The following TACC2 variants were observed in gnomAD, a reference collection of about 807,000 sequenced individuals.
TACC2 encodes transforming acidic coiled-coil containing protein 2, also known as transforming acidic coiled-coil-containing protein 2.
TACC2 carries 137 observed loss-of-function variants against 227.3 expected under a neutral mutation model. That is an observed-to-expected ratio of 0.60 (90% confidence interval 0.52 to 0.69). The LOEUF (loss-of-function observed/expected upper bound fraction) is 0.69, where lower values mean the gene tolerates loss of function less well. Ranked by LOEUF, TACC2 falls within the 30% of genes least tolerant of loss-of-function variation. The probability of loss-of-function intolerance (pLI) is 0.00; values close to 1 mark genes in which losing one functional copy is unlikely to be tolerated. For synonymous variants in TACC2, 1,523 were observed against 1,487.5 expected (o/e 1.02, Z -0.55); for missense variants, 3,470 against 3,694.4 (o/e 0.94, Z 1.57).
At chr10:122,116,468 C>T (rs1002178957) in intron 5 of TACC2, among the ~76,000 whole-genome samples, 1 of 152,124 alleles carries the variant, frequency 6.6e-6, no homozygotes, top group African/African-American at 2.4e-5. Flanking sequence ...GAGTTCTTGC[C>T]CTACCCCTTA....
chr10:122,017,207 G>A (rs1218856189), intron 1 of TACC2, among the ~76,000 whole-genome samples: 1 of 152,148 alleles, frequency 6.6e-6, no homozygotes, highest in Non-Finnish European at 1.5e-5. Flanking sequence ...CATTCGTGTG[G>A]GCCGCAGAGT....
intron 7 of TACC2, among the ~76,000 whole-genome samples, chr10:122,172,876 CTG>C (rs2093544361): frequency 6.6e-6 from 1 of 152,048 alleles, no homozygotes; most frequent in Admixed American, 6.5e-5. Context: ...GCATTCTGGC[CTG>C]TGTGTGAGAG....
intron 7 of TACC2, chr10:122,163,351 C>G (rs10887095): frequency 0.33 from 50,364 of 151,704 alleles, 8,184 homozygotes; most frequent in Non-Finnish European, 0.36. Flanking sequence ...GTCAGCCCGC[C>G]CGACCACCAC....
chr10:122,149,869 C>G (rs2091847959), intron 7 of TACC2, among the ~76,000 whole-genome samples: 1 of 152,224 alleles, frequency 6.6e-6, no homozygotes, highest in Admixed American at 6.5e-5. Flanking sequence ...TGTTCTCTTG[C>G]CTCTGAGGCC....
intron 2 of TACC2, among the ~76,000 whole-genome samples, chr10:122,048,525 T>C (rs1358960140): frequency 6.6e-6 from 1 of 150,384 alleles, no homozygotes; most frequent in East Asian, 2.0e-4. Flanking sequence ...CCCTATTTGT[T>C]TCTGTTTCTG....
At chr10:122,021,242 C>G (rs59340112) in intron 1 of TACC2, among the ~76,000 whole-genome samples, 20,208 of 146,746 alleles carry the variant, frequency 0.14, 1,626 homozygotes, top group African/African-American at 0.21. Flanking sequence ...AAAAAAAAGG[C>G]GGGGGGGAAG....
chr10:122,196,982 C>T (rs183350173), intron 8 of TACC2, among the ~76,000 whole-genome samples: 2,638 of 150,410 alleles, frequency 0.018, 38 homozygotes, highest in Admixed American at 0.047. Context: ...TATGCTTGGC[C>T]GGGCATGGTG....
intron 2 of TACC2, among the ~76,000 whole-genome samples, chr10:122,037,612 T>C (rs536110583): frequency 6.6e-6 from 1 of 152,350 alleles, no homozygotes; most frequent in Admixed American, 6.5e-5. Context: ...GCTTTTGCTT[T>C]GTTGAGTCCC....
chr10:122,171,867 T>C (rs981015159), intron 7 of TACC2, among the ~76,000 whole-genome samples: 2 of 151,694 alleles, frequency 1.3e-5, no homozygotes, highest in African/African-American at 4.9e-5. Context: ...CCATGAGTCT[T>C]ATTAGCCTTG....
At chr10:122,140,638 T>G (rs916429436) in intron 6 of TACC2, among the ~76,000 whole-genome samples, 2 of 152,230 alleles carry the variant, frequency 1.3e-5, no homozygotes, top group Non-Finnish European at 2.9e-5. Flanking sequence ...TGGAAGGTTC[T>G]GCAAAGGCCT....
At chr10:122,008,622 G>T (rs1244786864) in intron 1 of TACC2, among the ~76,000 whole-genome samples, 1 of 150,940 alleles carries the variant, frequency 6.6e-6, no homozygotes, top group East Asian at 2.0e-4. Flanking sequence ...ACCCAGGCTG[G>T]AGTGCAGTGG....
Position 122,203,540 on chromosome 10 carries a change from C to T in TACC2, c.5972-6857C>T, listed in dbSNP as rs958622208. On this transcript the variant is annotated intron_variant, in intron 8 of 22. Transcript: ENST00000369005. The stretch of plus-strand genomic sequence containing the variant: ...CTCAGACGGGGCGGCCGGGCAGAGA[C>T]GCTCCTCACATCCCGGATGGGGCGG... Among the ~76,000 whole-genome samples, 3 of 151,334 alleles carry T rather than the reference C, an allele frequency of 2.0e-5. No individual in the cohort carries two copies. In the South Asian group the frequency reaches 6.3e-4, roughly 32 times the overall value.
Position 122,084,719 on chromosome 10 carries a change from G to A in TACC2, c.2219G>A (p.Ser740Asn). 1 of 1,613,628 alleles carries A rather than the reference G, an allele frequency of 6.2e-7. No homozygotes were observed. The highest frequency in any genetic ancestry group is 8.5e-7 in the Non-Finnish European group (1 of 1,180,038). ...GCACCCAAAGCCCAGGAAGGTGAGA[G>A]CACATTGGAAATAAGGAAGATGGGC... ...EVAPKAQEGE[S>N]TLEIRKMGSC... The change falls in exon 4 of 23, where the codon AGC (serine) becomes AAC (asparagine). Residue 740 changes from serine to asparagine, a missense_variant. Ser to Asn is a conservative substitution (Grantham distance 46). Transcript: ENST00000369005.
intron 7 of TACC2, among the ~76,000 whole-genome samples, chr10:122,159,839 T>A (rs1352730191): frequency 6.6e-6 from 1 of 152,026 alleles, no homozygotes; most frequent in Non-Finnish European, 1.5e-5. Context: ...CAGCTCGGGG[T>A]CCATTGGTGG....
rs752342348 is a variant in TACC2 at position 122,012,418 on chromosome 10, C to CAAAAAAAAAAA, written c.-45-9508_-45-9498dup. On this transcript the variant is annotated intron_variant, in intron 1 of 22. Coordinates refer to ENST00000369005, the MANE Select transcript of TACC2 (RefSeq NM_206862.4). ...CTGGTGCCAGAGCAAGACTCCGTCT[C>CAAAAAAAAAAA]AAAAAAAAAAAAAAAAAAAAAGATG... Among the ~76,000 whole-genome samples the CAAAAAAAAAAA allele has an allele frequency of 2.0e-3, 123 of 60,660 alleles. 1 individual carries two copies. The highest frequency in any genetic ancestry group is 4.1e-3 in the South Asian group (4 of 972). The allele number at this position is 60,660 out of a possible 152,430, so 39.8% of individuals were successfully genotyped here.
chr10:122,144,850 G>T (rs1457788903), intron 7 of TACC2, among the ~76,000 whole-genome samples: 1 of 152,172 alleles, frequency 6.6e-6, no homozygotes, highest in Non-Finnish European at 1.5e-5. Context: ...CCATCCTTCA[G>T]ATTGTTGTTG....
intron 2 of TACC2, among the ~76,000 whole-genome samples, chr10:122,045,882 A>G (rs2074916154): frequency 6.6e-6 from 1 of 152,220 alleles, no homozygotes; most frequent in Admixed American, 6.5e-5. Flanking sequence ...TTTCTATTAG[A>G]AAAAGAAGTG....
At chr10:122,098,856 C>T (rs1023165381) in intron 5 of TACC2, among the ~76,000 whole-genome samples, 1 of 152,184 alleles carries the variant, frequency 6.6e-6, no homozygotes, top group African/African-American at 2.4e-5. Flanking sequence ...CGTCCTGTAG[C>T]CTCAGCCTCC....
intron 6 of TACC2, among the ~76,000 whole-genome samples, chr10:122,139,594 C>G (rs2090234431): frequency 6.6e-6 from 1 of 152,244 alleles, no homozygotes; most frequent in African/African-American, 2.4e-5. Flanking sequence ...GCTCTCCAAA[C>G]CCACAATTTC....
Sources: gnomAD v4.1 joint callset for allele counts (sites outside exome capture counted in the v4.1 genomes callset) on GRCh38, gnomAD v4.1.1 for gene constraint, MANE v1.5 for transcripts, NCBI Gene and HGNC (gene_info 2026-07-23, HGNC 2026-07-21) for gene names.